Variants in SNX13 observed in about 807,000 individuals in gnomAD.
The protein encoded by SNX13 is sorting nexin-13.
Under a neutral mutation model 133.6 loss-of-function variants are expected in SNX13, and 45 were observed. That is an observed-to-expected ratio of 0.34 (90% CI 0.27 to 0.43). The LOEUF (loss-of-function observed/expected upper bound fraction) is 0.43. Among genes scored for constraint, SNX13 ranks in the 20% least tolerant of loss-of-function variants. The pLI is 1.00. For synonymous variants in SNX13, 414 were observed against 373.9 expected (o/e 1.11, Z -1.24); for missense variants, 1,032 against 1,145.1 (o/e 0.90, Z 1.43).
At position 17,897,383 on chromosome 7, in the gene SNX13, G is replaced by T. The variant is rs752607520; in HGVS notation, c.76C>A (p.Pro26Thr). The change falls in exon 2 of 26, where the codon CCC becomes ACC. Residue 26 changes from proline (P) to threonine (T), a missense_variant. Transcript: ENST00000428135. ...GIVLFLITFG[P>T]FVIFYLTFYI... ...AATGTCAAATAAAATATTACAAAGGGTCCAAAGGTTATCAGAAAAAGGACA... is the reference window on the plus strand; with the variant it reads ...AATGTCAAATAAAATATTACAAAGGTTCCAAAGGTTATCAGAAAAAGGACA... 4 of 1,604,724 alleles carry T rather than the reference G, an allele frequency of 2.5e-6. No homozygotes were observed. The highest frequency in any genetic ancestry group is 3.4e-5 in the Admixed American group (2 of 59,210).
chr7:17,838,445 T>C (rs1258524556), intron 13 of SNX13, among the ~76,000 whole-genome samples: 1 of 151,942 alleles, frequency 6.6e-6, no homozygotes, highest in Non-Finnish European at 1.5e-5. Flanking sequence ...TGGTTTTAGA[T>C]TTTCACTATG....
chr7:17,865,560 A>T (rs1793290171), intron 9 of SNX13, among the ~76,000 whole-genome samples: 1 of 152,198 alleles, frequency 6.6e-6, no homozygotes, highest in South Asian at 2.1e-4. Flanking sequence ...TAGTACAAAA[A>T]GCAATCTGCA....
rs1788957905 is a variant in SNX13, at chr7:17,834,870, C to A, written c.1360-5G>T. On this transcript the variant is annotated splice_region_variant and splice_polypyrimidine_tract_variant and intron_variant, in intron 13 of 25. Transcript: ENST00000428135. ...AACAGTAACTCTTGGAGATGCCTAA[C>A]AGAGAAAAATAATAGTAATGATCTC... 1 of 1,537,924 alleles carries A rather than the reference C, an allele frequency of 6.5e-7. No homozygotes were observed. Among genetic ancestry groups the A allele is most frequent in the East Asian group, 2.3e-5 (1 of 44,206 alleles).
chr7:17,902,697 A>T (rs760403980), intron 1 of SNX13, among the ~76,000 whole-genome samples: 34 of 152,130 alleles, frequency 2.2e-4, no homozygotes, highest in Non-Finnish European at 8.8e-5. Context: ...AATACAGACA[A>T]ATCTATATGA....
intron 1 of SNX13, among the ~76,000 whole-genome samples, chr7:17,917,490 C>A (rs1799688116): frequency 6.6e-6 from 1 of 151,698 alleles, no homozygotes. Flanking sequence ...AATATTATTT[C>A]TATAGACCAA....
chr7:17,814,047 C>T (rs948085677), intron 20 of SNX13, among the ~76,000 whole-genome samples: 10 of 152,108 alleles, frequency 6.6e-5, no homozygotes, highest in Admixed American at 5.9e-4. Flanking sequence ...TGATAAAATA[C>T]AAAGAGTGGT....
intron 3 of SNX13, among the ~76,000 whole-genome samples, chr7:17,893,055 T>C (rs1230256802): frequency 6.6e-6 from 1 of 152,246 alleles, no homozygotes; most frequent in Non-Finnish European, 1.5e-5. Flanking sequence ...TTTGAAATAC[T>C]ATGATAAGAC....
At chr7:17,877,649 G>T (rs1016988931) in intron 5 of SNX13, among the ~76,000 whole-genome samples, 1 of 151,900 alleles carries the variant, frequency 6.6e-6, no homozygotes, top group Non-Finnish European at 1.5e-5. Context: ...TACCAATTTA[G>T]AAGACATTTT....
rs187397698 is a variant in SNX13, at chr7:17,838,498, T to C, written c.1359+1309A>G. ...TCACTGATTCTCACAATAATCTTTGTTTCCTTTCTTCTGTTTGCCTTGGAT... is the reference window on the plus strand; with the variant it reads ...TCACTGATTCTCACAATAATCTTTGCTTCCTTTCTTCTGTTTGCCTTGGAT... On this transcript the variant is annotated intron_variant, in intron 13 of 25. Coordinates refer to ENST00000428135, the MANE Select transcript of SNX13 (RefSeq NM_015132.5). Among the ~76,000 whole-genome samples, 249 of 152,048 alleles carry C rather than the reference T, an allele frequency of 1.6e-3. 2 individuals carry two copies. Among genetic ancestry groups the C allele is most frequent in the Admixed American group, 0.014 (208 of 15,216 alleles).
At chr7:17,832,339 A>T in intron 15 of SNX13, 2 of 984,604 alleles carry the variant, frequency 2.0e-6, no homozygotes, top group Non-Finnish European at 2.4e-6. Flanking sequence ...GACTGGAAGC[A>T]TTCTTAAGTT....
At chr7:17,798,787 G>A in intron 23 of SNX13, 29 bp from the exon 24 acceptor site, 1 of 1,490,582 alleles carries the variant, frequency 6.7e-7, no homozygotes, top group African/African-American at 1.4e-5. Context: ...AAATGAGGAA[G>A]GTTAAAATTT....
At chr7:17,852,177 C>A (rs1438002882) in intron 9 of SNX13, among the ~76,000 whole-genome samples, 2 of 152,202 alleles carry the variant, frequency 1.3e-5, no homozygotes, top group African/African-American at 4.8e-5. Context: ...AGTTCGAGAC[C>A]AGCCTGGCCA....
intron 9 of SNX13, among the ~76,000 whole-genome samples, chr7:17,854,740 T>C (rs1057243019): frequency 6.6e-6 from 1 of 152,212 alleles, no homozygotes; most frequent in Non-Finnish European, 1.5e-5. Context: ...AACTGACCAT[T>C]CCTCCGTCTC....
At chr7:17,915,609 CTCTG>C (rs146061556) in intron 1 of SNX13, among the ~76,000 whole-genome samples, 60,947 of 151,272 alleles carry the variant, frequency 0.4, 12,684 homozygotes, top group South Asian at 0.6. Context: ...GGAGGTGTGT[CTCTG>C]TCTGTCTGTC....
chr7:17,897,506 G>C, intron 1 of SNX13, 60 bp from the exon 2 acceptor site: 1 of 984,024 alleles, frequency 1.0e-6, no homozygotes, highest in South Asian at 1.9e-5. Context: ...AATTAGAAAA[G>C]AACCAACAAA....
chr7:17,808,231 T>G (rs1447531037), intron 20 of SNX13, among the ~76,000 whole-genome samples: 2 of 152,104 alleles, frequency 1.3e-5, no homozygotes, highest in African/African-American at 4.8e-5. Flanking sequence ...AATTGCTAAC[T>G]ACAATAACCA....
intron 9 of SNX13, among the ~76,000 whole-genome samples, chr7:17,867,636 A>T (rs1486622698): frequency 1.3e-5 from 2 of 152,084 alleles, no homozygotes; most frequent in African/African-American, 4.8e-5. Flanking sequence ...AAGTAAAAAA[A>T]AAAATAAAAC....
intron 19 of SNX13, 61 bp downstream of exon 19, chr7:17,816,121 A>G: frequency 6.9e-7 from 1 of 1,453,580 alleles, no homozygotes; most frequent in Non-Finnish European, 9.1e-7. Flanking sequence ...AATGAAAAAC[A>G]TTCTACACCT....
intron 5 of SNX13, among the ~76,000 whole-genome samples, chr7:17,877,276 C>T (rs1261755402): frequency 6.6e-6 from 1 of 151,838 alleles, no homozygotes; most frequent in Non-Finnish European, 1.5e-5. Flanking sequence ...ATATAAGAGC[C>T]ATGCATATAA....
Sources: allele counts gnomAD v4.1 joint callset (sites outside exome capture counted in the v4.1 genomes callset), GRCh38; gene constraint gnomAD v4.1.1; transcripts MANE v1.5; gene names NCBI Gene and HGNC (gene_info 2026-07-23, HGNC 2026-07-21).